The following SPTBN2 variants were observed in gnomAD, a reference collection of about 807,000 sequenced individuals.
The protein encoded by SPTBN2 is spectrin beta, non-erythrocytic 2.
A neutral mutation model predicts 284.2 loss-of-function variants in SPTBN2; 107 were observed. The ratio of observed to expected loss-of-function variants is 0.38; its 90% CI spans 0.32 to 0.44. The LOEUF (loss-of-function observed/expected upper bound fraction) is 0.44. SPTBN2 is among the 20% of genes least tolerant of loss of function. The probability of loss-of-function intolerance (pLI) is 1.00; values close to 1 mark genes in which losing one functional copy is unlikely to be tolerated. For synonymous variants in SPTBN2, 1,289 were observed against 1,354.8 expected, an observed-to-expected ratio of 0.95 and a Z score of 1.07; for missense variants, 2,569 against 3,287.1, an observed-to-expected ratio of 0.78 and a Z score of 5.34.
intron 1 of SPTBN2, among the ~76,000 whole-genome samples, chr11:66,723,017 T>C (rs866655808): frequency 2.8e-4 from 42 of 152,114 alleles, no homozygotes; most frequent in Admixed American, 2.3e-3. Flanking sequence ...TCGCAGCCTC[T>C]TGAACATAGA....
At chr11:66,696,038 A>G (rs1940889096) in intron 21 of SPTBN2, among the ~76,000 whole-genome samples, 1 of 152,102 alleles carries the variant, frequency 6.6e-6, no homozygotes, top group African/African-American at 2.4e-5. Flanking sequence ...TGCCTGGCCT[A>G]ATTAATATTT....
At position 66,705,244 on chromosome 11, in the gene SPTBN2, G is replaced by C; in HGVS notation, c.2032C>G (p.Arg678Gly). Residue 678 changes from arginine to glycine, a missense_variant, in exon 15 of 38, where the codon CGC (arginine) becomes GGC (glycine). Around this residue, in one of 6 missense-constraint regions of SPTBN2, gnomAD observed 1,012 missense variants for 1,248.9 expected, o/e 0.81. Transcript: ENST00000533211. ...AGGGCTGTGTGCTTGTTGAGCAGGC[G>C]GAGGGCACCGGTCAGGTCTCGGCCC... is the stretch of plus-strand genomic sequence containing the variant. ...DTGRDLTGAL[R>G]LLNKHTALRG... 1 of 1,568,960 alleles carries C rather than the reference G, an allele frequency of 6.4e-7. No individual in the cohort carries two copies. The highest frequency in any genetic ancestry group is 1.1e-5 in the South Asian group (1 of 87,536).
chr11:66,718,388 C>A lies in SPTBN2; in HGVS notation c.158-2407G>T, dbSNP rs537469135. 2.0e-5 allele frequency among the ~76,000 whole-genome samples: 3 copies of A among 152,366 alleles called. No homozygotes were observed. The South Asian group carries it at 6.2e-4, about 32-fold the overall frequency. On this transcript the variant is annotated intron_variant, in intron 3 of 37. Transcript: ENST00000533211. The surrounding 1 kb of genome is among the most constrained non-coding windows in gnomAD (Gnocchi z 4.8). ...TCAGCTCCGGCCACTCTCCCCACAC[C>A]CAGGTCCCTCTCGCCCAGGCACAGT...
Position 66,698,747 on chromosome 11 carries a change from C to T in SPTBN2, c.3906G>A (p.Gln1302=). ...TGCGGGCCTCGTCATAGGACACGTCCTGGGCTGTCAGCATCTTCTCGTCGA... is the reference window on the plus strand; with the variant it reads ...TGCGGGCCTCGTCATAGGACACGTCTTGGGCTGTCAGCATCTTCTCGTCGA... The part of the protein sequence containing the change: ...LWIDEKMLTA[Q]DVSYDEARNL... The change falls in exon 20 of 38, where the codon CAG becomes CAA. Residue 1302 remains glutamine (Q), a synonymous_variant. Transcript: ENST00000533211. 1 of 1,614,194 alleles carries T rather than the reference C, an allele frequency of 6.2e-7. No individual in the cohort carries two copies. The highest frequency in any genetic ancestry group is 2.2e-5 in the East Asian group (1 of 44,886).
intron 31 of SPTBN2, 31 bp from the exon 32 acceptor site, chr11:66,688,342 A>G (rs1940294862): frequency 6.4e-7 from 1 of 1,557,242 alleles, no homozygotes; most frequent in Non-Finnish European, 8.7e-7. Flanking sequence ...CAGCGTGTAG[A>G]AGGTTGCGTG....
At chr11:66,719,200 T>C (rs1352084511) in intron 3 of SPTBN2, among the ~76,000 whole-genome samples, 3 of 152,244 alleles carry the variant, frequency 2.0e-5, no homozygotes, top group African/African-American at 4.8e-5. Flanking sequence ...CGAGGCATTT[T>C]CCTTCACTCC....
At position 66,715,728 on chromosome 11, in the gene SPTBN2, T is replaced by G. The variant is rs574455624; in HGVS notation, c.309+102A>C. 6.6e-7 allele frequency: 1 copy of G among 1,512,858 alleles called. No homozygotes were observed. The highest frequency in any genetic ancestry group is 1.4e-5 in the African/African-American group (1 of 72,596). The allele number at this position is 1,512,858 out of a possible 1,614,324, so 93.7% of individuals were successfully genotyped here. A position where few individuals can be genotyped will look rare whatever the true frequency, so the allele number is the denominator to read the frequency against. ...CCTCTGAGCAGAGGGAGCCACTGCT[T>G]CCCGCCCTGTGCCGTCACTCTCTCT... On this transcript the variant is annotated intron_variant, in intron 4 of 37. Transcript: ENST00000533211. This position sits in a 1 kb window ranked among gnomAD's most constrained non-coding sequence, Gnocchi z 5.3.
At chr11:66,694,444 C>T in intron 21 of SPTBN2, 81 bp from the exon 22 acceptor site, 1 of 1,415,468 alleles carries the variant, frequency 7.1e-7, no homozygotes, top group Non-Finnish European at 9.7e-7. Context: ...CAGTCTCTAT[C>T]CAGCCCACTG....
chr11:66,715,266 G>A lies in SPTBN2; in HGVS notation c.439C>T (p.Arg147Ter), dbSNP rs1817109370. The change falls in exon 5 of 38, where the codon CGA (arginine) becomes TGA (stop). Residue 147 changes from arginine (R) to a stop codon, truncating the protein, a stop_gained. Coordinates refer to ENST00000533211, the MANE Select transcript of SPTBN2 (RefSeq NM_006946.4). LOFTEE classifies it high-confidence loss of function. The surrounding 1 kb of genome is among the most constrained non-coding windows in gnomAD (Gnocchi z 5.3). ...GTCCAGACCAGCCCAAGGGTCAGTC[G>A]GTGGTTTCCGTCCACAATGTCATGG... ...GSHDIVDGNH[R>*]LTLGLVWTII... The A allele has an allele frequency of 2.5e-6, 4 of 1,614,226 alleles. No homozygotes were observed. Among genetic ancestry groups the A allele is most frequent in the Non-Finnish European group, 2.5e-6 (3 of 1,180,040 alleles).
intron 8 of SPTBN2, chr11:66,713,158 C>A (rs1941963247): frequency 9.7e-6 from 2 of 207,016 alleles, no homozygotes; most frequent in Non-Finnish European, 2.0e-5. Flanking sequence ...TGGGACACAA[C>A]CCACAGTCCA....
chr11:66,688,835 C>T lies in SPTBN2; in HGVS notation c.6049G>A (p.Val2017Met), dbSNP rs1321896317. The change falls in exon 31 of 38, where the codon GTG becomes ATG. Residue 2017 changes from valine to methionine, a missense_variant. Transcript: ENST00000533211. Reference protein sequence around the residue: ...DWLQLVLEVLVFGRDAGMAEA... With the variant: ...DWLQLVLEVLMFGRDAGMAEA... Reference sequence around the variant, plus strand: ...GCCATCCCTGCATCTCTTCCAAACACAAGCACCTCCAAAACTGGCAGGATC... The same window carrying T: ...GCCATCCCTGCATCTCTTCCAAACATAAGCACCTCCAAAACTGGCAGGATC... 3 of 1,612,082 alleles carry T rather than the reference C, an allele frequency of 1.9e-6. No individual in the cohort carries two copies. The highest frequency in any genetic ancestry group is 4.5e-5 in the East Asian group (2 of 44,884).
chr11:66,685,035 G>A lies in SPTBN2; in HGVS notation c.*836C>T, dbSNP rs920397303. ...TCCCAACCCATGGTGAACTACTTTG[G>A]TTTAAAAAGAGGCTTGGCATTGGTC... On this transcript the variant is annotated 3_prime_UTR_variant, in exon 38 of 38. Transcript: ENST00000533211. This position sits in a 1 kb window ranked among gnomAD's most constrained non-coding sequence, Gnocchi z 4.4. 6.6e-6 allele frequency among the ~76,000 whole-genome samples: 1 copy of A among 152,164 alleles called. No homozygotes were observed. Among genetic ancestry groups the A allele is most frequent in the Non-Finnish European group, 1.5e-5 (1 of 68,040 alleles).
chr11:66,708,247 G>A lies in SPTBN2; in HGVS notation c.1244C>T (p.Thr415Ile). The A allele has an allele frequency of 1.9e-6, 3 of 1,610,146 alleles. No homozygotes were observed. The highest frequency in any genetic ancestry group is 2.5e-6 in the Non-Finnish European group (3 of 1,177,962). ...CAGCTTCTCCTGGCGGATGAGCTCG[G>A]TGCGCAGGGCCAGCTCACGCTCGTG... ...AEHERELALR[T>I]ELIRQEKLEQ... is the part of the protein sequence containing the mutation. The change falls in exon 12 of 38, where the codon ACC becomes ATC. Residue 415 changes from threonine (T) to isoleucine (I), a missense_variant. Thr to Ile is a moderately conservative substitution (Grantham distance 89). Around this residue, in one of 6 missense-constraint regions of SPTBN2, gnomAD observed 1,012 missense variants for 1,248.9 expected, o/e 0.81. Coordinates refer to ENST00000533211, the MANE Select transcript of SPTBN2 (RefSeq NM_006946.4). This position sits in a 1 kb window ranked among gnomAD's most constrained non-coding sequence, Gnocchi z 4.4.
At position 66,701,670 on chromosome 11, in the gene SPTBN2, C is replaced by T. The variant is rs563471181; in HGVS notation, c.2730G>A (p.Ala910=). The T allele has an allele frequency of 1.3e-5, 21 of 1,614,038 alleles. No individual in the cohort carries two copies. The highest frequency in any genetic ancestry group is 4.5e-5 in the East Asian group (2 of 44,856). Residue 910 remains alanine, a synonymous_variant, in exon 16 of 38, where the codon GCG becomes GCA. Coordinates refer to ENST00000533211, the MANE Select transcript of SPTBN2 (RefSeq NM_006946.4). Reference sequence around the variant, plus strand: ...GTAACTGCTCGGCAATGTCATTCACCGCGGTGATTTGTGCTGCAAGGGTGT... The same window carrying T: ...GTAACTGCTCGGCAATGTCATTCACTGCGGTGATTTGTGCTGCAAGGGTGT... The part of the protein sequence containing the change: ...EMNTLAAQIT[A]VNDIAEQLLK...
Position 66,692,702 on chromosome 11 carries a change from A to G in SPTBN2, c.5024T>C (p.Leu1675Pro), listed in dbSNP as rs1310394524. Residue 1675 changes from leucine to proline, a missense_variant, in exon 26 of 38, where the codon CTG becomes CCG. By Grantham distance (98) the Leu-to-Pro change is moderately conservative. Transcript: ENST00000533211. ...AGCCAGCTCCTTCAGGCCGGCATAC[A>G]GCTTGTCCACCTGGGCTTGGCGGAT... ...ISIRQAQVDK[L>P]YAGLKELAGE... 3 of 1,603,998 alleles carry G rather than the reference A, an allele frequency of 1.9e-6. No individual in the cohort carries two copies. The highest frequency in any genetic ancestry group is 1.1e-5 in the South Asian group (1 of 91,088).
intron 30 of SPTBN2, 119 bp downstream of exon 30, chr11:66,688,977 C>G (rs1335029976): frequency 1.3e-5 from 19 of 1,469,682 alleles, no homozygotes; most frequent in Non-Finnish European, 1.9e-6. Context: ...CCAGGCAGCA[C>G]GAAGATTGGG....
chr11:66,698,149 G>A (rs1179864874), intron 20 of SPTBN2, among the ~76,000 whole-genome samples: 1 of 152,212 alleles, frequency 6.6e-6, no homozygotes, highest in Non-Finnish European at 1.5e-5. Flanking sequence ...TACAGCCCAC[G>A]GGGTAATCTG....
rs200940830 is a variant in SPTBN2, at chr11:66,694,210, G to A, written c.4432C>T (p.Arg1478Trp). Residue 1478 changes from arginine (R) to tryptophan (W), a missense_variant, in exon 22 of 38, where the codon CGG becomes TGG. This residue lies in a region of SPTBN2 where 1,130 missense variants were observed against 1,317.3 expected (regional missense o/e 0.86). Coordinates refer to ENST00000533211, the MANE Select transcript of SPTBN2 (RefSeq NM_006946.4). ...GCCTGCAGGCGCCGGCAGCGTTCCC[G>A]CATGGGCTGGCACAAGGCCCTGAAC... ...EKFRALCQPM[R>W]ERCRRLQASR... The A allele has an allele frequency of 8.1e-6, 13 of 1,613,768 alleles. No individual in the cohort carries two copies. The highest frequency in any genetic ancestry group is 5.5e-5 in the South Asian group (5 of 91,084).
rs1372398781 is a variant in SPTBN2, at chr11:66,705,715, G to A, written c.1776C>T (p.Ala592=). 15 of 1,612,410 alleles carry A rather than the reference G, an allele frequency of 9.3e-6. No homozygotes were observed. The highest frequency in any genetic ancestry group is 1.3e-5 in the Non-Finnish European group (15 of 1,179,996). ...VQAERVRAVS[A]SALRFCNPGK... Reference sequence around the variant, plus strand: ...CTGGGTTGCAGAAGCGCAGGGCAGAGGCGCTGACGGCCCGCACCCTCTCGG... The same window carrying A: ...CTGGGTTGCAGAAGCGCAGGGCAGAAGCGCTGACGGCCCGCACCCTCTCGG... Residue 592 remains alanine (A), a synonymous_variant, in exon 14 of 38, where the codon GCC becomes GCT. Coordinates refer to ENST00000533211, the MANE Select transcript of SPTBN2 (RefSeq NM_006946.4).
Sources: allele counts gnomAD v4.1 joint callset (sites outside exome capture counted in the v4.1 genomes callset), GRCh38; gene constraint gnomAD v4.1.1; regional missense constraint gnomAD v4.1.1; non-coding constraint Gnocchi (gnomAD v3.1); transcripts MANE v1.5; gene names NCBI Gene and HGNC (gene_info 2026-07-23, HGNC 2026-07-21).